TTC39B: variants seen among roughly 807,000 people sequenced by gnomAD.
TTC39B encodes the protein tetratricopeptide repeat protein 39B.
A neutral mutation model predicts 96.6 loss-of-function variants in TTC39B; 92 were observed. The ratio of observed to expected loss-of-function variants is 0.95; its 90% CI spans 0.80 to 1.13. The LOEUF (loss-of-function observed/expected upper bound fraction) is 1.13, where lower values mean the gene tolerates loss of function less well. Ranked by LOEUF, TTC39B falls within the 50% of genes most tolerant of loss-of-function variation. The pLI, the probability that TTC39B is intolerant of heterozygous loss-of-function variation, is 0.00. For missense variants in TTC39B, 955 were observed against 809.3 expected (o/e 1.18, Z -2.18); for synonymous variants, 367 against 299.4 (o/e 1.23, Z -2.33).
intron 1 of TTC39B, among the ~76,000 whole-genome samples, chr9:15,272,796 C>A (rs1025462365): frequency 1.3e-5 from 2 of 152,190 alleles, no homozygotes; most frequent in Non-Finnish European, 2.9e-5. Flanking sequence ...GCTGAGCACC[C>A]TTGTCTGGAG....
chr9:15,285,077 C>G (rs113968238), intron 1 of TTC39B, among the ~76,000 whole-genome samples: 53 of 152,056 alleles, frequency 3.5e-4, no homozygotes, highest in African/African-American at 1.3e-3. Flanking sequence ...CTGGCTAACA[C>G]GGTGAAACCC....
chr9:15,222,402 T>C (rs1301541166), intron 3 of TTC39B, among the ~76,000 whole-genome samples: 1 of 152,192 alleles, frequency 6.6e-6, no homozygotes, highest in Non-Finnish European at 1.5e-5. Flanking sequence ...CTTCAATCTT[T>C]AGAACTTTCT....
Position 15,259,798 on chromosome 9 carries a change from T to C in TTC39B, c.275+8116A>G, listed in dbSNP as rs1012517859. 2.6e-5 allele frequency among the ~76,000 whole-genome samples: 4 copies of C among 152,214 alleles called. No homozygotes were observed. The East Asian group carries it at 7.7e-4, about 29-fold the overall frequency. ...TGAGTCAAGGAGCATCTATCTGTACTACACATTCTATGACATGTGTAGACA... is the reference window on the plus strand; with the variant it reads ...TGAGTCAAGGAGCATCTATCTGTACCACACATTCTATGACATGTGTAGACA... On this transcript the variant is annotated intron_variant, in intron 2 of 19. Coordinates refer to ENST00000512701, the Ensembl canonical transcript of TTC39B.
intron 16 of TTC39B, chr9:15,183,543 G>C: frequency 1.8e-5 from 6 of 324,512 alleles, no homozygotes; most frequent in South Asian, 1.5e-4. Context: ...CCTGGAGAAA[G>C]AAGTGCAGGG....
chr9:15,230,376 C>T (rs992578651), intron 2 of TTC39B, among the ~76,000 whole-genome samples: 1 of 152,134 alleles, frequency 6.6e-6, no homozygotes, highest in Non-Finnish European at 1.5e-5. Context: ...AGCAGTCACT[C>T]CTCATTCTCC....
At chr9:15,211,336 G>A in exon 5 of TTC39B, 1 of 1,598,346 alleles carries the variant, frequency 6.3e-7, no homozygotes, top group Non-Finnish European at 8.5e-7. Flanking sequence ...TCGAAGGTCA[G>A]GACAGCCTGC....
rs138797791 is a variant in TTC39B, at chr9:15,264,729, CTATATA to C, written c.275+3179_275+3184del. Among the ~76,000 whole-genome samples the C allele has an allele frequency of 5.6e-5, 8 of 141,926 alleles. No individual in the cohort carries two copies. The East Asian group carries it at 6.1e-4, about 11-fold the overall frequency. The allele number at this position is 141,926 out of a possible 152,430, so 93.1% of individuals were successfully genotyped here. A position where few individuals can be genotyped will look rare whatever the true frequency, so the allele number is the denominator to read the frequency against. ...TTTGTTCTTCTATATAACAATTTTA[CTATATA>C]TATATATATATATCTTATAACATCA... is the stretch of plus-strand genomic sequence containing the variant. On this transcript the variant is annotated intron_variant, in intron 2 of 19. Coordinates refer to ENST00000512701, the Ensembl canonical transcript of TTC39B.
chr9:15,210,140 T>C (rs1820110910), exon 6 of TTC39B: 2 of 1,605,436 alleles, frequency 1.2e-6, no homozygotes, highest in Non-Finnish European at 1.7e-6. Flanking sequence ...AGAAAGATTC[T>C]ACAACTGTGT....
chr9:15,270,612 A>G (rs1380652571), intron 1 of TTC39B, among the ~76,000 whole-genome samples: 1 of 151,272 alleles, frequency 6.6e-6, no homozygotes, highest in Non-Finnish European at 1.5e-5. Flanking sequence ...TCCATCAAAA[A>G]AAGAAAAAAA....
At chr9:15,258,767 C>T (rs554041942) in intron 2 of TTC39B, among the ~76,000 whole-genome samples, 1 of 152,280 alleles carries the variant, frequency 6.6e-6, no homozygotes, top group African/African-American at 2.4e-5. Context: ...CCAACCACGA[C>T]TCAGTCTTCC....
At chr9:15,208,709 C>G (rs894218179) in intron 6 of TTC39B, among the ~76,000 whole-genome samples, 3 of 152,108 alleles carry the variant, frequency 2.0e-5, no homozygotes, top group African/African-American at 7.2e-5. Flanking sequence ...CTAGAATGAC[C>G]AATGAAATGC....
At chr9:15,279,892 C>CTTTTTTTTTTTT (rs1164750793) in intron 1 of TTC39B, among the ~76,000 whole-genome samples, 18 of 101,802 alleles carry the variant, frequency 1.8e-4, no homozygotes, top group Non-Finnish European at 2.3e-4. Flanking sequence ...TTTTTCTTTT[C>CTTTTTTTTTTTT]TTTTTTTTTT....
chr9:15,185,110 T>G (rs1818448683), intron 16 of TTC39B, among the ~76,000 whole-genome samples, 170 bp downstream of exon 16: 2 of 152,192 alleles, frequency 1.3e-5, no homozygotes, highest in Admixed American at 6.5e-5. Flanking sequence ...CAAAAACCAT[T>G]AGCTACAGTT....
chr9:15,239,575 C>T (rs1821945928), intron 2 of TTC39B, among the ~76,000 whole-genome samples: 1 of 152,188 alleles, frequency 6.6e-6, no homozygotes, highest in Non-Finnish European at 1.5e-5. Flanking sequence ...GAATGGAATA[C>T]TATGTAGCCA....
intron 1 of TTC39B, among the ~76,000 whole-genome samples, chr9:15,304,529 C>G (rs1368601469): frequency 6.6e-6 from 1 of 152,104 alleles, no homozygotes. Flanking sequence ...CCAAGAAAAC[C>G]TCCATCCCAC....
At chr9:15,269,074 T>C (rs1180271219) in intron 1 of TTC39B, among the ~76,000 whole-genome samples, 1 of 152,200 alleles carries the variant, frequency 6.6e-6, no homozygotes, top group African/African-American at 2.4e-5. Flanking sequence ...ATAATGTCCT[T>C]TGCTCAATTA....
intron 8 of TTC39B, among the ~76,000 whole-genome samples, chr9:15,193,903 A>C (rs1480916550): frequency 2.0e-5 from 3 of 152,228 alleles, no homozygotes; most frequent in African/African-American, 7.2e-5. Flanking sequence ...ACAAAGACTG[A>C]GGAACTATTC....
At chr9:15,304,535 C>T (rs1824695418) in intron 1 of TTC39B, among the ~76,000 whole-genome samples, 1 of 152,144 alleles carries the variant, frequency 6.6e-6, no homozygotes, top group Non-Finnish European at 1.5e-5. Context: ...AAACCTCCAT[C>T]CCACAGCTAC....
At chr9:15,234,048 C>A (rs1305039956) in intron 2 of TTC39B, among the ~76,000 whole-genome samples, 1 of 136,260 alleles carries the variant, frequency 7.3e-6, no homozygotes, top group Admixed American at 7.1e-5. Context: ...ACCCGCCGCC[C>A]CGTCTGGGAT....
Sources: gnomAD v4.1 joint callset for allele counts (sites outside exome capture counted in the v4.1 genomes callset) on GRCh38, gnomAD v4.1.1 for gene constraint, MANE v1.5 for transcripts, NCBI Gene and HGNC (gene_info 2026-07-23, HGNC 2026-07-21) for gene names.